ARID1B: variants seen among roughly 807,000 people sequenced by gnomAD.
ARID1B encodes the protein AT-rich interactive domain-containing protein 1B.
Under a neutral mutation model 212.3 loss-of-function variants are expected in ARID1B, and 30 were observed. The ratio of observed to expected loss-of-function variants is 0.14; its 90% CI spans 0.11 to 0.19. The LOEUF is 0.19. ARID1B is among the 10% of genes least tolerant of loss of function. The pLI is 1.00. For synonymous variants in ARID1B, 1,402 were observed against 1,301.7 expected, an observed-to-expected ratio of 1.08 and a Z score of -1.66; for missense variants, 2,891 against 3,204.0, an observed-to-expected ratio of 0.90 and a Z score of 2.36.
At chr6:156,788,198 C>G (rs1052545271) in intron 1 of ARID1B, among the ~76,000 whole-genome samples, 15 of 151,992 alleles carry the variant, frequency 9.9e-5, no homozygotes, top group Admixed American at 9.2e-4. Flanking sequence ...AGCTATGCAC[C>G]GCTGAACAGC....
chr6:156,809,713 G>GGAAA lies in ARID1B; in HGVS notation c.1792-19514_1792-19513insGAAA, dbSNP rs1554254038. Among the ~76,000 whole-genome samples, 2 of 104,464 alleles carry GGAAA rather than the reference G, an allele frequency of 1.9e-5. 1 individual carries two copies. The highest frequency in any genetic ancestry group is 6.9e-5 in the African/African-American group (2 of 28,782). The allele number at this position is 104,464 out of a possible 152,430, so 68.5% of individuals were successfully genotyped here. On this transcript the variant is annotated intron_variant, in intron 1 of 19. Coordinates refer to ENST00000636930, the MANE Select transcript of ARID1B (RefSeq NM_001374828.1). ...CATGTGAAGATTTGCCTTTTTCAAA[G>GGAAA]AAAAAAAAAAAAAAAAAAAAAGGAC... is the stretch of plus-strand genomic sequence containing the variant.
At chr6:157,059,971 C>G (rs977634424) in intron 4 of ARID1B, among the ~76,000 whole-genome samples, 7 of 152,154 alleles carry the variant, frequency 4.6e-5, no homozygotes, top group African/African-American at 1.7e-4. Flanking sequence ...TGAATTAGTT[C>G]TTGTGGGCAG....
At chr6:157,102,924 A>G (rs1786175346) in intron 5 of ARID1B, among the ~76,000 whole-genome samples, 1 of 152,142 alleles carries the variant, frequency 6.6e-6, no homozygotes, top group South Asian at 2.1e-4. Flanking sequence ...ACTCACTCAT[A>G]TTATCATTTA....
rs1041215030 is a variant in ARID1B, at chr6:157,170,822, G to A, written c.3236-3186G>A. ...CTTGCGTATCCAATGAGAGCAGTGC[G>A]TCTCCCGAGCCGTTCTTAGATCCTG... On this transcript the variant is annotated intron_variant, in intron 9 of 19. Transcript: ENST00000636930. Among the ~76,000 whole-genome samples, 21 of 152,344 alleles carry A rather than the reference G, an allele frequency of 1.4e-4. No homozygotes were observed. The South Asian group carries it at 3.5e-3, about 26-fold the overall frequency.
intron 2 of ARID1B, among the ~76,000 whole-genome samples, chr6:156,886,349 T>C (rs1488062942): frequency 6.6e-6 from 1 of 152,198 alleles, no homozygotes; most frequent in Non-Finnish European, 1.5e-5. Context: ...CCTGCCACCA[T>C]GCCTGGCTAA....
chr6:156,978,873 GTA>G (rs1411418656), intron 4 of ARID1B, among the ~76,000 whole-genome samples: 16 of 152,152 alleles, frequency 1.1e-4, no homozygotes, highest in Admixed American at 1.0e-3. Context: ...CAGAATCAAA[GTA>G]TGTTATTCCA....
Position 157,208,903 on chromosome 6 carries a change from G to C in ARID1B, c.*1012G>C, listed in dbSNP as rs1170837205. The C allele has an allele frequency of 1.8e-5, 4 of 227,700 alleles. No individual in the cohort carries two copies. Among genetic ancestry groups the C allele is most frequent in the African/African-American group, 8.9e-5 (4 of 44,856 alleles). 14.1% of individuals were successfully genotyped at this position (227,700 alleles called of 1,614,324 possible). On this transcript the variant is annotated 3_prime_UTR_variant, in exon 20 of 20. Transcript: ENST00000636930. ...AAAAAAAAAAGAGGGTAATGTACAA[G>C]TTTCTGTATGTATAAAGTCATGCTC...
At chr6:156,983,889 A>C (rs1166899975) in intron 4 of ARID1B, among the ~76,000 whole-genome samples, 2 of 151,796 alleles carry the variant, frequency 1.3e-5, no homozygotes, top group Admixed American at 6.6e-5. Context: ...CCTTCTAGTT[A>C]CCCGATTTCC....
intron 4 of ARID1B, among the ~76,000 whole-genome samples, chr6:156,986,849 A>G (rs1777949756): frequency 6.6e-6 from 1 of 152,154 alleles, no homozygotes. Flanking sequence ...GGATTAAAAC[A>G]CAAACTGGCT....
intron 5 of ARID1B, among the ~76,000 whole-genome samples, chr6:157,092,015 G>A (rs574252937): frequency 2.6e-5 from 4 of 152,246 alleles, no homozygotes; most frequent in Admixed American, 1.3e-4. Flanking sequence ...GAAGATGCAT[G>A]CTGCTTATTG....
chr6:157,097,614 G>A (rs1785739166), intron 5 of ARID1B, among the ~76,000 whole-genome samples: 2 of 152,212 alleles, frequency 1.3e-5, no homozygotes, highest in Admixed American at 6.5e-5. Context: ...CCCAGAATGA[G>A]AAATTTGTGA....
At chr6:157,002,486 T>A (rs1446962032) in intron 4 of ARID1B, among the ~76,000 whole-genome samples, 2 of 152,228 alleles carry the variant, frequency 1.3e-5, no homozygotes, top group East Asian at 3.8e-4. Context: ...TGCTTTGCAT[T>A]TATACAAAGG....
intron 5 of ARID1B, among the ~76,000 whole-genome samples, chr6:157,102,893 G>A (rs764199646): frequency 3.3e-5 from 5 of 151,998 alleles, no homozygotes; most frequent in Non-Finnish European, 5.9e-5. Context: ...CACTGCACCC[G>A]GCCTTCCTGA....
rs1164091056 is a variant in ARID1B, at chr6:157,184,448, G to T, written c.3919+13G>T. 6.2e-7 allele frequency: 1 copy of T among 1,613,676 alleles called. No individual in the cohort carries two copies. Among genetic ancestry groups the T allele is most frequent in the Non-Finnish European group, 8.5e-7 (1 of 1,179,918 alleles). ...CCGCCATCTCCTGGTAAGTGGCGGCGCTGCAGTCACTGGCCCAGGAAAGCC... is the reference window on the plus strand; with the variant it reads ...CCGCCATCTCCTGGTAAGTGGCGGCTCTGCAGTCACTGGCCCAGGAAAGCC... On this transcript the variant is annotated intron_variant, in intron 13 of 19. Coordinates refer to ENST00000636930, the MANE Select transcript of ARID1B (RefSeq NM_001374828.1).
At chr6:157,031,283 G>T (rs1348091223) in intron 4 of ARID1B, among the ~76,000 whole-genome samples, 1 of 152,176 alleles carries the variant, frequency 6.6e-6, no homozygotes, top group Non-Finnish European at 1.5e-5. Context: ...GTAGGTAAAA[G>T]TATGATTAAT....
At chr6:156,961,703 A>C (rs932964719) in intron 4 of ARID1B, among the ~76,000 whole-genome samples, 2 of 152,070 alleles carry the variant, frequency 1.3e-5, no homozygotes, top group African/African-American at 4.8e-5. Context: ...AAATTGATAC[A>C]GAGGTGGGAT....
intron 1 of ARID1B, among the ~76,000 whole-genome samples, chr6:156,820,402 G>C (rs771027247): frequency 5.3e-5 from 8 of 152,138 alleles, no homozygotes; most frequent in Non-Finnish European, 8.8e-5. Flanking sequence ...CTAAGTGCTA[G>C]GTATGCAAAG....
At chr6:156,827,310 A>G (rs1179569343) in intron 1 of ARID1B, among the ~76,000 whole-genome samples, 1 of 152,140 alleles carries the variant, frequency 6.6e-6, no homozygotes, top group African/African-American at 2.4e-5. Flanking sequence ...TGCACACTCC[A>G]TCTCATTTGG....
chr6:157,202,544 CA>C (rs977723286), intron 18 of ARID1B, among the ~76,000 whole-genome samples: 2 of 151,886 alleles, frequency 1.3e-5, no homozygotes, highest in African/African-American at 4.8e-5. Context: ...AAAAATTAGC[CA>C]AAAGTGAGAT....
Sources: allele counts gnomAD v4.1 joint callset (sites outside exome capture counted in the v4.1 genomes callset), GRCh38; gene constraint gnomAD v4.1.1; transcripts MANE v1.5; gene names NCBI Gene and HGNC (gene_info 2026-07-23, HGNC 2026-07-21).